SH3GL3: variants seen among roughly 807,000 people sequenced by gnomAD.
The protein encoded by SH3GL3 is SH3 domain containing GRB2 like 3, endophilin A3.
Under a neutral mutation model 47.7 loss-of-function variants are expected in SH3GL3, and 33 were observed. The ratio of observed to expected loss-of-function variants is 0.69; its 90% CI spans 0.52 to 0.92. The LOEUF is 0.92. Among genes scored for constraint, SH3GL3 ranks in the 40% least tolerant of loss-of-function variants. SH3GL3 has a pLI of 0.00. For synonymous variants in SH3GL3, 155 were observed against 148.8 expected, an observed-to-expected ratio of 1.04 and a Z score of -0.30; for missense variants, 363 against 417.8, an observed-to-expected ratio of 0.87 and a Z score of 1.14.
At chr15:83,518,844 G>A (rs1338221480) in intron 1 of SH3GL3, among the ~76,000 whole-genome samples, 1 of 151,978 alleles carries the variant, frequency 6.6e-6, no homozygotes, top group Non-Finnish European at 1.5e-5. Context: ...GTGTTTCCTG[G>A]GTTTTCTTCT....
chr15:83,559,801 A>C (rs1249696931), intron 2 of SH3GL3, among the ~76,000 whole-genome samples: 1 of 152,184 alleles, frequency 6.6e-6, no homozygotes, highest in East Asian at 1.9e-4. Flanking sequence ...GTGAACTTGG[A>C]TAAGTGAATT....
intron 8 of SH3GL3, among the ~76,000 whole-genome samples, chr15:83,614,414 C>T (rs1168789403): frequency 6.6e-6 from 1 of 152,158 alleles, no homozygotes; most frequent in African/African-American, 2.4e-5. Context: ...TTCAGAGTTT[C>T]AAAGTCACGA....
intron 5 of SH3GL3, among the ~76,000 whole-genome samples, chr15:83,573,827 G>C (rs541004969): frequency 4.6e-5 from 7 of 152,344 alleles, no homozygotes; most frequent in Admixed American, 2.6e-4. Context: ...GTGGGCACTG[G>C]CCATATGTGG....
chr15:83,467,809 TA>T (rs2040634798), intron 1 of SH3GL3, among the ~76,000 whole-genome samples: 1 of 152,032 alleles, frequency 6.6e-6, no homozygotes, highest in African/African-American at 2.4e-5. Context: ...TTGTAAAAGG[TA>T]TTGTATTTTC....
At chr15:83,510,919 A>G (rs1038116854) in intron 1 of SH3GL3, among the ~76,000 whole-genome samples, 4 of 150,836 alleles carry the variant, frequency 2.7e-5, no homozygotes, top group African/African-American at 9.8e-5. Context: ...AGATGTTCTC[A>G]CTCATAGGTG....
intron 1 of SH3GL3, among the ~76,000 whole-genome samples, chr15:83,534,315 G>A (rs181343849): frequency 1.3e-5 from 2 of 152,236 alleles, no homozygotes; most frequent in Admixed American, 6.5e-5. Flanking sequence ...CCCAATTGCT[G>A]GTATTCTGTT....
intron 1 of SH3GL3, among the ~76,000 whole-genome samples, chr15:83,507,100 G>T (rs1286075793): frequency 5.3e-5 from 8 of 151,844 alleles, no homozygotes; most frequent in Non-Finnish European, 8.8e-5. Flanking sequence ...CTGCCTCCCG[G>T]GTTCATGCCA....
At chr15:83,481,295 G>A (rs1596068269) in intron 1 of SH3GL3, among the ~76,000 whole-genome samples, 2 of 148,618 alleles carry the variant, frequency 1.3e-5, no homozygotes, top group Non-Finnish European at 3.0e-5. Context: ...AAAAAAAAGA[G>A]AAATAATTCC....
At chr15:83,469,666 A>G (rs191345255) in intron 1 of SH3GL3, among the ~76,000 whole-genome samples, 1 of 152,154 alleles carries the variant, frequency 6.6e-6, no homozygotes, top group African/African-American at 2.4e-5. Flanking sequence ...CATTGTCATT[A>G]TAGAACACTT....
At chr15:83,508,900 T>C (rs888234239) in intron 1 of SH3GL3, among the ~76,000 whole-genome samples, 6 of 152,144 alleles carry the variant, frequency 3.9e-5, no homozygotes, top group African/African-American at 7.2e-5. Context: ...CTTACATTTT[T>C]AAAAGATCAT....
In SH3GL3 at chr15:83,477,697, C is replaced by T. The variant is rs907205202; in HGVS notation, c.45+30119C>T. 5.9e-5 allele frequency among the ~76,000 whole-genome samples: 9 copies of T among 151,944 alleles called. 1 individual carries two copies. Among genetic ancestry groups the T allele is most frequent in the Non-Finnish European group, 4.4e-5 (3 of 67,998 alleles). On this transcript the variant is annotated intron_variant, in intron 1 of 8. Transcript: ENST00000427482. Reference sequence around the variant, plus strand: ...AGAAATTATGTGAACCAGATGGTACCCTTTTGATTTGCCAGACATGCATAC... The same window carrying T: ...AGAAATTATGTGAACCAGATGGTACTCTTTTGATTTGCCAGACATGCATAC...
intron 1 of SH3GL3, among the ~76,000 whole-genome samples, chr15:83,497,738 T>C (rs76786930): frequency 0.16 from 24,821 of 152,200 alleles, 2,688 homozygotes; most frequent in South Asian, 0.45. Flanking sequence ...TGTAATCTAC[T>C]GTCCCCTCCA....
chr15:83,494,487 C>T (rs112505382), intron 1 of SH3GL3, among the ~76,000 whole-genome samples: 4,200 of 151,752 alleles, frequency 0.028, 63 homozygotes, highest in Non-Finnish European at 0.041. Flanking sequence ...TGACCAGGGC[C>T]ATATATTTCC....
chr15:83,568,772 C>T (rs968934704), intron 4 of SH3GL3, 100 bp downstream of exon 4: 6 of 821,872 alleles, frequency 7.3e-6, no homozygotes, highest in Non-Finnish European at 7.6e-6. Context: ...GTTATTTTTC[C>T]ATATTACCAA....
At chr15:83,480,520 C>T (rs1393617847) in intron 1 of SH3GL3, among the ~76,000 whole-genome samples, 1 of 152,120 alleles carries the variant, frequency 6.6e-6, no homozygotes, top group Non-Finnish European at 1.5e-5. Flanking sequence ...TTGCAAGGCT[C>T]GGGCCTCCCC....
intron 6 of SH3GL3, among the ~76,000 whole-genome samples, chr15:83,580,874 C>T (rs180913563): frequency 6.6e-6 from 1 of 152,322 alleles, no homozygotes; most frequent in East Asian, 1.9e-4. Flanking sequence ...CCCCCAACCT[C>T]ATCCACAAGA....
chr15:83,511,866 G>T (rs80200163), intron 1 of SH3GL3, among the ~76,000 whole-genome samples: 3,704 of 152,222 alleles, frequency 0.024, 62 homozygotes, highest in Non-Finnish European at 0.036. Context: ...ACAGGGCTAG[G>T]ATGGTATCAG....
intron 1 of SH3GL3, among the ~76,000 whole-genome samples, chr15:83,497,396 C>G (rs913548656): frequency 6.6e-6 from 1 of 152,180 alleles, no homozygotes; most frequent in Non-Finnish European, 1.5e-5. Context: ...CTTCCACGCC[C>G]CCCTTCTCGC....
intron 4 of SH3GL3, among the ~76,000 whole-genome samples, chr15:83,570,036 A>G (rs940632030): frequency 8.6e-6 from 1 of 116,582 alleles, no homozygotes; most frequent in Admixed American, 7.8e-5. Flanking sequence ...TAGTCTTCCT[A>G]TATGGTTTCT....
Sources: gnomAD v4.1 joint callset for allele counts (sites outside exome capture counted in the v4.1 genomes callset) on GRCh38, gnomAD v4.1.1 for gene constraint, MANE v1.5 for transcripts, NCBI Gene and HGNC (gene_info 2026-07-23, HGNC 2026-07-21) for gene names.